The following ANKIB1 variants were observed in gnomAD, a reference collection of about 807,000 sequenced individuals.
ANKIB1 encodes the protein ankyrin repeat and IBR domain-containing protein 1.
ANKIB1 carries 43 observed loss-of-function variants against 122.1 expected under a neutral mutation model. The ratio of observed to expected loss-of-function variants is 0.35; its 90% confidence interval spans 0.28 to 0.45. The LOEUF (loss-of-function observed/expected upper bound fraction) is 0.45, where lower values mean the gene tolerates loss of function less well. Ranked by LOEUF, ANKIB1 falls within the 20% of genes least tolerant of loss-of-function variation. The probability of loss-of-function intolerance (pLI) is 1.00; values close to 1 mark genes in which losing one functional copy is unlikely to be tolerated. For synonymous variants in ANKIB1, 390 were observed against 442.0 expected, an observed-to-expected ratio of 0.88 and a Z score of 1.48; for missense variants, 992 against 1,329.5, an observed-to-expected ratio of 0.75 and a Z score of 3.95.
At chr7:92,327,760 C>T in intron 4 of ANKIB1, 23 bp from the exon 5 acceptor site, 2 of 1,391,206 alleles carry the variant, frequency 1.4e-6, no homozygotes, top group Admixed American at 5.4e-5. Flanking sequence ...GCCCATTTAA[C>T]TTTATTTTTT....
intron 2 of ANKIB1, among the ~76,000 whole-genome samples, chr7:92,306,721 T>C (rs1047172262): frequency 2.0e-5 from 3 of 152,198 alleles, no homozygotes; most frequent in African/African-American, 7.2e-5. Flanking sequence ...GTTTCTTGTT[T>C]ATAAACCATT....
intron 5 of ANKIB1, among the ~76,000 whole-genome samples, chr7:92,331,998 A>T (rs1219087162): frequency 6.6e-6 from 1 of 152,206 alleles, no homozygotes; most frequent in Non-Finnish European, 1.5e-5. Flanking sequence ...ATATTATTAA[A>T]TGATCAACTC....
At chr7:92,310,626 T>TA (rs1802674284) in intron 3 of ANKIB1, among the ~76,000 whole-genome samples, 1 of 152,188 alleles carries the variant, frequency 6.6e-6, no homozygotes, top group South Asian at 2.1e-4. Flanking sequence ...TCTCTGCAGA[T>TA]ACGAAAATCC....
At chr7:92,367,128 G>A (rs1430859819) in intron 10 of ANKIB1, among the ~76,000 whole-genome samples, 1 of 152,190 alleles carries the variant, frequency 6.6e-6, no homozygotes, top group Non-Finnish European at 1.5e-5. Context: ...CCCAAAGGGG[G>A]TTTTGATTTG....
At chr7:92,336,500 A>G (rs1412583377) in intron 5 of ANKIB1, among the ~76,000 whole-genome samples, 2 of 152,012 alleles carry the variant, frequency 1.3e-5, no homozygotes. Context: ...GACATTTTCC[A>G]GTTTTTCCAC....
intron 1 of ANKIB1, among the ~76,000 whole-genome samples, chr7:92,261,700 T>G (rs1333755979): frequency 2.0e-5 from 3 of 152,240 alleles, no homozygotes; most frequent in African/African-American, 7.2e-5. Flanking sequence ...TTAGTATTTT[T>G]GTGTAGCTAG....
chr7:92,389,841 GTTAC>G (rs1804747217), intron 14 of ANKIB1, 126 bp from the exon 15 acceptor site: 1 of 905,156 alleles, frequency 1.1e-6, no homozygotes, highest in Non-Finnish European at 1.6e-6. Flanking sequence ...TTTTCATACA[GTTAC>G]TTAAAACAGT....
Position 92,398,967 on chromosome 7 carries a change from T to C in ANKIB1, c.*18T>C. Reference sequence around the variant, plus strand: ...TAGTGTGAACTGCACACATCTGGGCTCTAAATGAATTACAGGTACAGATGG... The same window carrying C: ...TAGTGTGAACTGCACACATCTGGGCCCTAAATGAATTACAGGTACAGATGG... On this transcript the variant is annotated 3_prime_UTR_variant, in exon 20 of 20. Transcript: ENST00000265742. 6.6e-7 allele frequency: 1 copy of C among 1,524,512 alleles called. No homozygotes were observed. The allele number at this position is 1,524,512 out of a possible 1,614,324, so 94.4% of individuals were successfully genotyped here.
chr7:92,319,825 C>A (rs998074842), intron 4 of ANKIB1: 5 of 229,898 alleles, frequency 2.2e-5, no homozygotes, highest in Non-Finnish European at 3.4e-5. Flanking sequence ...GTCCTAACTA[C>A]TCAGGAGGCT....
intron 2 of ANKIB1, 132 bp from the exon 3 acceptor site, chr7:92,307,227 C>G: frequency 2.3e-6 from 2 of 872,948 alleles, no homozygotes; most frequent in Non-Finnish European, 3.4e-6. Context: ...TGTTGTAAAC[C>G]AGACCCTCAG....
At chr7:92,310,671 G>A (rs1325915156) in intron 3 of ANKIB1, among the ~76,000 whole-genome samples, 1 of 152,118 alleles carries the variant, frequency 6.6e-6, no homozygotes, top group Non-Finnish European at 1.5e-5. Context: ...AAATGGCACA[G>A]TATTTGCATA....
At chr7:92,332,575 A>G (rs1342532764) in intron 5 of ANKIB1, among the ~76,000 whole-genome samples, 1 of 152,226 alleles carries the variant, frequency 6.6e-6, no homozygotes, top group Non-Finnish European at 1.5e-5. Flanking sequence ...TAACTTATGT[A>G]ATTGAATATT....
intron 11 of ANKIB1, among the ~76,000 whole-genome samples, chr7:92,378,083 G>A (rs1186216910): frequency 6.6e-6 from 1 of 152,122 alleles, no homozygotes. Context: ...ATATTACAGG[G>A]ATAAAACTCT....
intron 3 of ANKIB1, among the ~76,000 whole-genome samples, chr7:92,309,848 A>G (rs908365142): frequency 1.0e-4 from 15 of 148,498 alleles, no homozygotes; most frequent in African/African-American, 3.2e-4. Context: ...TCGCCTGAAC[A>G]TGGGAGGCAG....
intron 16 of ANKIB1, 114 bp downstream of exon 16, chr7:92,391,458 T>C: frequency 2.1e-6 from 2 of 936,722 alleles, no homozygotes; most frequent in Non-Finnish European, 2.9e-6. Context: ...ACCTAAAATA[T>C]GGATAGCTCA....
At chr7:92,350,200 A>G (rs1803628825) in intron 7 of ANKIB1, among the ~76,000 whole-genome samples, 1 of 152,096 alleles carries the variant, frequency 6.6e-6, no homozygotes, top group Non-Finnish European at 1.5e-5. Flanking sequence ...CTATTCTTCA[A>G]AAAACTATGC....
intron 1 of ANKIB1, among the ~76,000 whole-genome samples, chr7:92,292,313 A>T (rs78072165): frequency 6.6e-6 from 1 of 152,224 alleles, no homozygotes; most frequent in African/African-American, 2.4e-5. Flanking sequence ...TGACTTCTCA[A>T]TGCCATTATC....
chr7:92,333,200 A>G (rs1803211605), intron 5 of ANKIB1, among the ~76,000 whole-genome samples: 3 of 152,172 alleles, frequency 2.0e-5, no homozygotes, highest in African/African-American at 2.4e-5. Flanking sequence ...TATTCTTCCT[A>G]TCTCTAGTCC....
At position 92,352,576 on chromosome 7, in the gene ANKIB1, A is replaced by G. The variant is rs1451461481; in HGVS notation, c.1331A>G (p.Asp444Gly). The change falls in exon 9 of 20, where the codon GAT becomes GGT. Residue 444 changes from aspartate to glycine, a missense_variant. This residue lies in a region of ANKIB1 where 521 missense variants were observed against 777.7 expected (regional missense o/e 0.67). Transcript: ENST00000265742. ...TKQGSNTSGS[D>G]TLSFPLLRAP... ...CAAGGGTCAAATACATCTGGATCTG[A>G]TACACTCAGCTTCCCATTGCTGAGA... 6.2e-7 allele frequency: 1 copy of G among 1,613,376 alleles called. No individual in the cohort carries two copies. Among genetic ancestry groups the G allele is most frequent in the Non-Finnish European group, 8.5e-7 (1 of 1,179,826 alleles).
Sources: gnomAD v4.1 joint callset for allele counts (sites outside exome capture counted in the v4.1 genomes callset) on GRCh38, gnomAD v4.1.1 for gene constraint, gnomAD v4.1.1 regional missense constraint, MANE v1.5 for transcripts, NCBI Gene and HGNC (gene_info 2026-07-23, HGNC 2026-07-21) for gene names.